The following SORCS2 variants were observed in gnomAD, a reference collection of about 807,000 sequenced individuals.
SORCS2 encodes sortilin related VPS10 domain containing receptor 2.
In SORCS2, 100 loss-of-function variants were observed where a neutral mutation model predicts 141.6. The observed-to-expected ratio is 0.71, with a 90% confidence interval of 0.60 to 0.83. SORCS2 has a LOEUF of 0.83. Ranked by LOEUF, SORCS2 falls within the 40% of genes least tolerant of loss-of-function variation. SORCS2 has a pLI of 0.00. For missense variants in SORCS2, 1,646 were observed against 1,560.2 expected, an observed-to-expected ratio of 1.05 and a Z score of -0.93; for synonymous variants, 789 against 676.9, an observed-to-expected ratio of 1.17 and a Z score of -2.57.
chr4:7,265,686 T>C (rs766916513), intron 1 of SORCS2, among the ~76,000 whole-genome samples: 16 of 152,196 alleles, frequency 1.1e-4, no homozygotes, highest in Non-Finnish European at 1.8e-4. Context: ...CATTCATCGC[T>C]GGCTTTAGGG....
chr4:7,364,911 G>A (rs374595169), intron 1 of SORCS2, among the ~76,000 whole-genome samples: 1 of 152,300 alleles, frequency 6.6e-6, no homozygotes, highest in Non-Finnish European at 1.5e-5. Flanking sequence ...CTAGCCTACC[G>A]GGGTTCAGGA....
At chr4:7,513,979 G>A (rs1363555374) in intron 2 of SORCS2, among the ~76,000 whole-genome samples, 1 of 152,136 alleles carries the variant, frequency 6.6e-6, no homozygotes, top group Non-Finnish European at 1.5e-5. Context: ...GGCTTTCCCC[G>A]TACTTTTACT....
At chr4:7,552,992 A>C (rs1253867870) in intron 3 of SORCS2, among the ~76,000 whole-genome samples, 1 of 152,144 alleles carries the variant, frequency 6.6e-6, no homozygotes, top group Non-Finnish European at 1.5e-5. Flanking sequence ...GGGTGGAGTG[A>C]TCGTAAGACA....
At chr4:7,646,194 G>A (rs766888535) in intron 4 of SORCS2, among the ~76,000 whole-genome samples, 1 of 152,250 alleles carries the variant, frequency 6.6e-6, no homozygotes, top group Non-Finnish European at 1.5e-5. Flanking sequence ...TCAGCAAACA[G>A]CTGTGCAGGC....
chr4:7,439,072 A>G (rs1439111355), intron 2 of SORCS2, among the ~76,000 whole-genome samples: 1 of 152,108 alleles, frequency 6.6e-6, no homozygotes. Context: ...CAAGATCTGG[A>G]TATGAAATGT....
At chr4:7,571,984 C>T (rs1389665857) in intron 3 of SORCS2, among the ~76,000 whole-genome samples, 2 of 152,172 alleles carry the variant, frequency 1.3e-5, no homozygotes, top group African/African-American at 4.8e-5. Context: ...CAGGCTCCAT[C>T]CTGGGCCTGC....
chr4:7,582,555 C>T (rs2108760943), intron 3 of SORCS2, among the ~76,000 whole-genome samples: 1 of 152,306 alleles, frequency 6.6e-6, no homozygotes, highest in Non-Finnish European at 1.5e-5. Flanking sequence ...AGATGACCTG[C>T]TTCTGGCTCG....
At chr4:7,483,146 C>T (rs2109376911) in intron 2 of SORCS2, among the ~76,000 whole-genome samples, 1 of 152,058 alleles carries the variant, frequency 6.6e-6, no homozygotes, top group Admixed American at 6.5e-5. Flanking sequence ...CGGTGAAACC[C>T]CGTCTCTACT....
At chr4:7,682,271 A>T (rs1723570320) in intron 9 of SORCS2, among the ~76,000 whole-genome samples, 1 of 152,040 alleles carries the variant, frequency 6.6e-6, no homozygotes, top group African/African-American at 2.4e-5. Flanking sequence ...GCATGTTTGT[A>T]TGGGGATTGA....
intron 12 of SORCS2, among the ~76,000 whole-genome samples, chr4:7,702,220 C>T (rs1182870572): frequency 1.3e-5 from 2 of 152,142 alleles, no homozygotes; most frequent in African/African-American, 4.8e-5. Context: ...GGGCCACAGG[C>T]CTGGGAGACA....
intron 2 of SORCS2, among the ~76,000 whole-genome samples, chr4:7,421,748 G>A (rs915649510): frequency 2.0e-4 from 30 of 152,190 alleles, no homozygotes; most frequent in African/African-American, 6.5e-4. Context: ...CGGCCACTGC[G>A]GCCCCTCTCT....
chr4:7,431,952 C>G (rs1272940725), intron 2 of SORCS2: 3 of 152,292 alleles, frequency 2.0e-5, no homozygotes, highest in African/African-American at 7.2e-5. Flanking sequence ...CAGCTTCCAC[C>G]CCCGGGACTC....
intron 1 of SORCS2, among the ~76,000 whole-genome samples, chr4:7,330,187 C>T (rs999769906): frequency 9.2e-5 from 14 of 151,806 alleles, no homozygotes; most frequent in African/African-American, 2.7e-4. Flanking sequence ...TACAGGGACA[C>T]GTGTGATTGC....
In SORCS2 at chr4:7,614,760, C is replaced by T. The variant is rs139933366; in HGVS notation, c.649-23568C>T. Among the ~76,000 whole-genome samples, 284 of 151,422 alleles carry T rather than the reference C, an allele frequency of 1.9e-3. 4 individuals are homozygous for T. Among genetic ancestry groups the T allele is most frequent in the African/African-American group, 6.5e-3 (267 of 41,304 alleles). The stretch of plus-strand genomic sequence containing the variant: ...CCATCCACCTATTCATCCAACCATA[C>T]ACCCATTCACCATCATTCACCCATA... On this transcript the variant is annotated intron_variant, in intron 3 of 26. Coordinates refer to ENST00000507866, the MANE Select transcript of SORCS2 (RefSeq NM_020777.3).
Position 7,591,224 on chromosome 4 carries a change from G to A in SORCS2, c.649-47104G>A, listed in dbSNP as rs150318961. Among the ~76,000 whole-genome samples, 11 of 152,046 alleles carry A rather than the reference G, an allele frequency of 7.2e-5. 1 individual carries two copies. The highest frequency in any genetic ancestry group is 4.6e-4 in the Admixed American group (7 of 15,282). On this transcript the variant is annotated intron_variant, in intron 3 of 26. Transcript: ENST00000507866. ...TTCTTCTCTTGTGCTCAGCCTCCTC[G>A]CGCTCTCCCCTCCACCTGCTGCTGC...
intron 1 of SORCS2, among the ~76,000 whole-genome samples, chr4:7,268,540 G>A (rs983237484): frequency 2.0e-5 from 3 of 152,222 alleles, no homozygotes; most frequent in Admixed American, 1.3e-4. Context: ...AGGCACTGCT[G>A]TTATTAGTGG....
chr4:7,453,701 T>C (rs1728656532), intron 2 of SORCS2, among the ~76,000 whole-genome samples: 1 of 126,178 alleles, frequency 7.9e-6, no homozygotes, highest in African/African-American at 3.2e-5. Flanking sequence ...GGTCAGGCAC[T>C]GTGTTGGGGT....
intron 12 of SORCS2, among the ~76,000 whole-genome samples, chr4:7,699,642 C>T (rs1375325797): frequency 6.6e-6 from 1 of 152,144 alleles, no homozygotes; most frequent in South Asian, 2.1e-4. Flanking sequence ...GGGAAGGGGG[C>T]TGCAGCCACG....
At chr4:7,563,019 A>G (rs1356281020) in intron 3 of SORCS2, among the ~76,000 whole-genome samples, 3 of 152,196 alleles carry the variant, frequency 2.0e-5, no homozygotes, top group African/African-American at 4.8e-5. Flanking sequence ...GTGGAGCACC[A>G]TTTAACCCAA....
Sources: gnomAD v4.1 joint callset for allele counts (sites outside exome capture counted in the v4.1 genomes callset) on GRCh38, gnomAD v4.1.1 for gene constraint, MANE v1.5 for transcripts, NCBI Gene and HGNC (gene_info 2026-07-23, HGNC 2026-07-21) for gene names.